The following FAT3 variants were observed in gnomAD, a reference collection of about 807,000 sequenced individuals.
FAT3 encodes FAT atypical cadherin 3.
A neutral mutation model predicts 310.2 loss-of-function variants in FAT3; 95 were observed. The observed-to-expected ratio is 0.31, with a 90% CI of 0.26 to 0.36. The LOEUF (loss-of-function observed/expected upper bound fraction) is 0.36, where lower values mean the gene tolerates loss of function less well. FAT3 is among the 10% of genes least tolerant of loss of function. The pLI is 1.00. For synonymous variants in FAT3, 2,314 were observed against 2,192.9 expected (o/e 1.06, Z -1.54); for missense variants, 5,408 against 5,715.6 (o/e 0.95, Z 1.74).
chr11:92,319,418 T>C (rs536462425), intron 1 of FAT3, among the ~76,000 whole-genome samples: 1 of 152,186 alleles, frequency 6.6e-6, no homozygotes, highest in Non-Finnish European at 1.5e-5. Context: ...AATTCAAACA[T>C]TTTTTGGTAG....
At chr11:92,587,667 C>G (rs1294329664) in intron 3 of FAT3, among the ~76,000 whole-genome samples, 5 of 151,886 alleles carry the variant, frequency 3.3e-5, no homozygotes, top group Non-Finnish European at 4.4e-5. Flanking sequence ...ACCATGGTGT[C>G]TTGAGAACAT....
chr11:92,667,831 C>T (rs576802539), intron 3 of FAT3, among the ~76,000 whole-genome samples: 1 of 152,324 alleles, frequency 6.6e-6, no homozygotes, highest in African/African-American at 2.4e-5. Context: ...TGTCATTGGC[C>T]TGAACTGATT....
At chr11:92,317,632 A>T (rs1402313906) in intron 1 of FAT3, among the ~76,000 whole-genome samples, 1 of 152,196 alleles carries the variant, frequency 6.6e-6, no homozygotes, top group Non-Finnish European at 1.5e-5. Flanking sequence ...TGTATGCCGG[A>T]GACTAAATAG....
At chr11:92,429,479 G>T (rs545510225) in intron 2 of FAT3, among the ~76,000 whole-genome samples, 6 of 152,228 alleles carry the variant, frequency 3.9e-5, no homozygotes, top group East Asian at 1.9e-4. Flanking sequence ...TAGTGTTGAT[G>T]GTCTTTACAT....
At chr11:92,567,273 A>G (rs1025535628) in intron 3 of FAT3, among the ~76,000 whole-genome samples, 2 of 134,960 alleles carry the variant, frequency 1.5e-5, no homozygotes, top group African/African-American at 5.7e-5. Context: ...CAGCCAAAAA[A>G]CACATGAAAA....
intron 2 of FAT3, among the ~76,000 whole-genome samples, chr11:92,387,808 A>G (rs1299175060): frequency 6.6e-6 from 1 of 152,200 alleles, no homozygotes; most frequent in Admixed American, 6.5e-5. Flanking sequence ...GAGGAGGAAC[A>G]GCAGTGGAGG....
At chr11:92,254,466 G>T (rs974820471) in intron 1 of FAT3, among the ~76,000 whole-genome samples, 12 of 152,162 alleles carry the variant, frequency 7.9e-5, no homozygotes, top group Non-Finnish European at 1.3e-4. Context: ...GATCCTGCTG[G>T]CTGGAAATAT....
chr11:92,694,558 G>A (rs1466881256), intron 3 of FAT3, among the ~76,000 whole-genome samples: 1 of 152,172 alleles, frequency 6.6e-6, no homozygotes, highest in Non-Finnish European at 1.5e-5. Flanking sequence ...ACAAGTGAAT[G>A]TCCTAAAGAA....
At chr11:92,743,244 A>G (rs1204774487) in intron 4 of FAT3, among the ~76,000 whole-genome samples, 1 of 152,146 alleles carries the variant, frequency 6.6e-6, no homozygotes, top group Non-Finnish European at 1.5e-5. Flanking sequence ...TTTTAAGGGG[A>G]GCACCTTGTG....
chr11:92,317,730 C>T (rs1947500893), intron 1 of FAT3, among the ~76,000 whole-genome samples: 1 of 152,126 alleles, frequency 6.6e-6, no homozygotes, highest in Admixed American at 6.5e-5. Flanking sequence ...GTGTAGGAGA[C>T]ATAGGGGAAG....
At position 92,355,312 on chromosome 11, in the gene FAT3, C is replaced by A; in HGVS notation, c.3200C>A (p.Ala1067Asp). The A allele has an allele frequency of 6.2e-7, 1 of 1,613,794 alleles. No individual in the cohort carries two copies. Among genetic ancestry groups the A allele is most frequent in the Non-Finnish European group, 8.5e-7 (1 of 1,179,852 alleles). ...RIGTSVLQVT[A>D]RDEDSGRDGE... Reference sequence around the variant, plus strand: ...GGAACAAGCGTGCTGCAGGTGACTGCTCGAGATGAAGACTCCGGAAGGGAT... The same window carrying A: ...GGAACAAGCGTGCTGCAGGTGACTGATCGAGATGAAGACTCCGGAAGGGAT... The change falls in exon 2 of 28, where the codon GCT (alanine) becomes GAT (aspartate). Residue 1067 changes from alanine (A) to aspartate (D), a missense_variant. By Grantham distance (126) the Ala-to-Asp change is moderately radical. Coordinates refer to ENST00000525166, the MANE Select transcript of FAT3 (RefSeq NM_001367949.2).
At chr11:92,809,595 G>A (rs959971948) in intron 12 of FAT3, among the ~76,000 whole-genome samples, 11 of 151,972 alleles carry the variant, frequency 7.2e-5, no homozygotes, top group African/African-American at 1.7e-4. Flanking sequence ...TTATACCAGC[G>A]GTTTCAAAAA....
chr11:92,874,821 G>A (rs1296083013), intron 22 of FAT3, among the ~76,000 whole-genome samples: 3 of 152,118 alleles, frequency 2.0e-5, no homozygotes, highest in East Asian at 1.9e-4. Context: ...TTACAGGCAT[G>A]AGCCACCACA....
chr11:92,810,513 G>A lies in FAT3; in HGVS notation c.9481+437G>A, dbSNP rs191407429. Among the ~76,000 whole-genome samples the A allele has an allele frequency of 6.2e-3, 941 of 152,292 alleles. 4 individuals carry two copies. The highest frequency in any genetic ancestry group is 9.5e-3 in the Non-Finnish European group (649 of 68,022). On this transcript the variant is annotated intron_variant, in intron 13 of 27. Transcript: ENST00000525166. ...CGGTCACATGCTTTAGCTGAAATAT[G>A]ACAATCTCGATTTAATATAGTGCCC...
intron 2 of FAT3, among the ~76,000 whole-genome samples, chr11:92,485,013 T>C (rs1007799235): frequency 1.3e-5 from 2 of 152,246 alleles, no homozygotes; most frequent in African/African-American, 4.8e-5. Context: ...ACACACTTTT[T>C]AGAAAACAAG....
chr11:92,610,140 A>G (rs1320043647), intron 3 of FAT3, among the ~76,000 whole-genome samples: 1 of 152,188 alleles, frequency 6.6e-6, no homozygotes, highest in African/African-American at 2.4e-5. Context: ...CACTTGTAAA[A>G]GGGATTTGCT....
chr11:92,570,339 A>G lies in FAT3; in HGVS notation c.3607+45391A>G, dbSNP rs79648111. On this transcript the variant is annotated intron_variant, in intron 3 of 27. Transcript: ENST00000525166. ...TGCACATAAAGCAGATTGAGCATAT[A>G]TGAAGTTCTCATCAAATGTCCAATG... is the stretch of plus-strand genomic sequence containing the variant. 9.9e-4 allele frequency among the ~76,000 whole-genome samples: 151 copies of G among 152,320 alleles called. 2 individuals are homozygous for G. The highest frequency in any genetic ancestry group is 3.5e-3 in the African/African-American group (146 of 41,572).
chr11:92,542,663 A>C (rs1954489976), intron 3 of FAT3, among the ~76,000 whole-genome samples: 1 of 152,084 alleles, frequency 6.6e-6, no homozygotes, highest in South Asian at 2.1e-4. Flanking sequence ...GGCTATTATC[A>C]AAAAGACAAA....
At chr11:92,545,795 G>A (rs563765543) in intron 3 of FAT3, among the ~76,000 whole-genome samples, 17 of 152,266 alleles carry the variant, frequency 1.1e-4, no homozygotes, top group East Asian at 5.8e-4. Flanking sequence ...TTAAGACAGC[G>A]TTATCCCATA....
Sources: gnomAD v4.1 joint callset for allele counts (sites outside exome capture counted in the v4.1 genomes callset) on GRCh38, gnomAD v4.1.1 for gene constraint, MANE v1.5 for transcripts, NCBI Gene and HGNC (gene_info 2026-07-23, HGNC 2026-07-21) for gene names.